PCBP3: variants seen among roughly 807,000 people sequenced by gnomAD.
The protein encoded by PCBP3 is poly(rC)-binding protein 3.
In PCBP3, 25 loss-of-function variants were observed where a neutral mutation model predicts 52.7. That is an observed-to-expected ratio of 0.47 (90% CI 0.35 to 0.66). PCBP3 has a LOEUF of 0.66. Among genes scored for constraint, PCBP3 ranks in the 30% least tolerant of loss-of-function variants. The pLI is 0.01. For missense variants in PCBP3, 391 were observed against 490.3 expected (o/e 0.80, Z 1.91); for synonymous variants, 162 against 183.0 (o/e 0.89, Z 0.93).
At chr21:45,921,167 G>A (rs565000215) in intron 13 of PCBP3, among the ~76,000 whole-genome samples, 10 of 146,314 alleles carry the variant, frequency 6.8e-5, no homozygotes, top group African/African-American at 2.4e-4. Flanking sequence ...ATCTGAGCTT[G>A]GTATTTAGTA....
chr21:45,709,688 A>G (rs1167143749), intron 2 of PCBP3, among the ~76,000 whole-genome samples: 1 of 152,212 alleles, frequency 6.6e-6, no homozygotes, highest in African/African-American at 2.4e-5. Context: ...TTACATCAGT[A>G]AGGGACATTT....
At chr21:45,813,944 G>A (rs2092754550) in intron 4 of PCBP3, among the ~76,000 whole-genome samples, 1 of 152,206 alleles carries the variant, frequency 6.6e-6, no homozygotes, top group African/African-American at 2.4e-5. Flanking sequence ...TAATGACAGG[G>A]ACACATGCTG....
At chr21:45,926,212 A>C (rs1423921048) in intron 13 of PCBP3, among the ~76,000 whole-genome samples, 4 of 152,208 alleles carry the variant, frequency 2.6e-5, no homozygotes, top group African/African-American at 9.7e-5. Context: ...GTGACCTTGC[A>C]GCTGACCTGA....
intron 4 of PCBP3, among the ~76,000 whole-genome samples, chr21:45,796,159 G>A (rs903356665): frequency 6.6e-6 from 1 of 152,160 alleles, no homozygotes; most frequent in Admixed American, 6.5e-5. Flanking sequence ...TATAAACCAT[G>A]CTGGTGTACA....
chr21:45,917,930 G>C lies in PCBP3; in HGVS notation c.717+301G>C. On this transcript the variant is annotated intron_variant, in intron 13 of 17. Coordinates refer to ENST00000681687, the MANE Select transcript of PCBP3 (RefSeq NM_001384156.1). The surrounding 1 kb of genome is among the most constrained non-coding windows in gnomAD (Gnocchi z 5.3). ...CTGAGACGGGCTCTGTCCCCGTGCA[G>C]GGCAGTGAGGATGTGCTCACCCGCC... 9.7e-6 allele frequency: 4 copies of C among 413,692 alleles called. No individual in the cohort carries two copies. Among genetic ancestry groups the C allele is most frequent in the South Asian group, 7.1e-5 (3 of 42,530 alleles). 25.6% of individuals were successfully genotyped at this position (413,692 alleles called of 1,614,324 possible).
chr21:45,818,836 A>C (rs2093043258), intron 4 of PCBP3, among the ~76,000 whole-genome samples: 1 of 152,246 alleles, frequency 6.6e-6, no homozygotes. Context: ...ACTACAAAGA[A>C]ATGAGCTGTC....
intron 4 of PCBP3, among the ~76,000 whole-genome samples, chr21:45,775,017 G>T (rs1206176887): frequency 1.3e-5 from 2 of 152,146 alleles, no homozygotes; most frequent in Non-Finnish European, 2.9e-5. Context: ...GGGTAATGCT[G>T]CCCTTGTAGA....
intron 5 of PCBP3, among the ~76,000 whole-genome samples, 165 bp from the exon 6 acceptor site, chr21:45,896,043 C>T (rs1006364684): frequency 2.6e-5 from 4 of 152,390 alleles, no homozygotes; most frequent in Admixed American, 1.3e-4. Flanking sequence ...CCTGAACTCC[C>T]GTGCACCCTG....
intron 2 of PCBP3, among the ~76,000 whole-genome samples, chr21:45,689,855 G>A (rs1416379595): frequency 6.6e-6 from 1 of 152,064 alleles, no homozygotes; most frequent in African/African-American, 2.4e-5. Flanking sequence ...AACAGTGCTA[G>A]GAGAAATGAA....
intron 9 of PCBP3, among the ~76,000 whole-genome samples, chr21:45,907,397 A>G (rs1400539594): frequency 6.6e-6 from 1 of 152,206 alleles, no homozygotes; most frequent in Non-Finnish European, 1.5e-5. Flanking sequence ...CCCTCACGCC[A>G]GCGCCTCCCT....
At chr21:45,648,825 T>C (rs1248483264) in intron 1 of PCBP3, among the ~76,000 whole-genome samples, 1 of 152,244 alleles carries the variant, frequency 6.6e-6, no homozygotes, top group Non-Finnish European at 1.5e-5. Context: ...TGTCCACTTA[T>C]TGTCTGGATT....
intron 5 of PCBP3, among the ~76,000 whole-genome samples, chr21:45,868,555 C>T (rs549418428): frequency 1.3e-5 from 2 of 152,190 alleles, no homozygotes; most frequent in South Asian, 4.1e-4. Context: ...CTGGCCCGCG[C>T]ATTGAGGAAT....
chr21:45,916,703 G>A (rs939949615), intron 12 of PCBP3: 1 of 152,188 alleles, frequency 6.6e-6, no homozygotes, highest in East Asian at 1.9e-4. Context: ...ACAGCCAGGG[G>A]CTGGTAGCCG....
intron 4 of PCBP3, among the ~76,000 whole-genome samples, chr21:45,825,861 T>C (rs1327838371): frequency 1.3e-5 from 2 of 152,114 alleles, no homozygotes; most frequent in Non-Finnish European, 2.9e-5. Flanking sequence ...GTGCATACAG[T>C]GACATGGAAA....
At chr21:45,794,998 T>G (rs1177707586) in intron 4 of PCBP3, among the ~76,000 whole-genome samples, 1 of 151,154 alleles carries the variant, frequency 6.6e-6, no homozygotes, top group African/African-American at 2.4e-5. Context: ...TGCCAGCCAC[T>G]AGAAAGCAGA....
intron 5 of PCBP3, among the ~76,000 whole-genome samples, chr21:45,856,622 GC>G (rs1382143306): frequency 6.6e-6 from 1 of 151,640 alleles, no homozygotes; most frequent in Non-Finnish European, 1.5e-5. Flanking sequence ...CCGGTGACGT[GC>G]CTGCTCCTCT....
At chr21:45,781,133 T>C (rs1230828292) in intron 4 of PCBP3, among the ~76,000 whole-genome samples, 1 of 152,154 alleles carries the variant, frequency 6.6e-6, no homozygotes, top group Non-Finnish European at 1.5e-5. Context: ...GACCAAGCCC[T>C]GCTCCTGGTA....
chr21:45,902,553 G>A (rs531479617), intron 9 of PCBP3, among the ~76,000 whole-genome samples: 11 of 152,332 alleles, frequency 7.2e-5, no homozygotes, highest in East Asian at 1.9e-4. Context: ...TCTGATGGGA[G>A]ACTGATGGAA....
chr21:45,867,694 C>A (rs148184783), intron 5 of PCBP3, among the ~76,000 whole-genome samples: 1 of 152,274 alleles, frequency 6.6e-6, no homozygotes, highest in Non-Finnish European at 1.5e-5. Context: ...CTGCGCCCAT[C>A]GTGGAGACGG....
Sources: gnomAD v4.1 joint callset for allele counts (sites outside exome capture counted in the v4.1 genomes callset) on GRCh38, gnomAD v4.1.1 for gene constraint, Gnocchi (gnomAD v3.1) non-coding constraint, MANE v1.5 for transcripts, NCBI Gene and HGNC (gene_info 2026-07-23, HGNC 2026-07-21) for gene names.